GPC3: variants seen among roughly 807,000 people sequenced by gnomAD.
The protein encoded by GPC3 is glypican-3.
GPC3 carries 3 observed loss-of-function variants against 34.4 expected under a neutral mutation model. That is an observed-to-expected ratio of 0.09 (90% CI 0.04 to 0.23). The LOEUF (loss-of-function observed/expected upper bound fraction) is 0.23. Ranked by LOEUF, GPC3 falls within the 10% of genes least tolerant of loss-of-function variation. GPC3 has a pLI of 1.00. For missense variants in GPC3, 351 were observed against 445.6 expected, an observed-to-expected ratio of 0.79 and a Z score of 1.91; for synonymous variants, 177 against 174.0, an observed-to-expected ratio of 1.02 and a Z score of -0.13.
intron 2 of GPC3, among the ~76,000 whole-genome samples, chrX:133,914,982 A>ATATATATATATAC (rs2076217685): frequency 1.8e-5 from 1 of 55,986 alleles, no homozygotes; most frequent in African/African-American, 9.6e-5. Context: ...TATATATATA[A>ATATATATATATAC]AGTTTTATAT....
At chrX:133,856,301 CAT>C (rs746795092) in intron 2 of GPC3, among the ~76,000 whole-genome samples, 7 of 111,120 alleles carry the variant, frequency 6.3e-5, no homozygotes, top group Non-Finnish European at 1.3e-4. Context: ...TCTTTTTTAT[CAT>C]AGTTACCCTA....
At chrX:133,749,893 C>T (rs764504707) in intron 3 of GPC3, among the ~76,000 whole-genome samples, 3 of 111,404 alleles carry the variant, frequency 2.7e-5, no homozygotes, top group African/African-American at 9.8e-5. Context: ...CCGACTCCCC[C>T]TCGCCCTCAT....
chrX:133,767,286 A>G (rs750650766), intron 2 of GPC3, among the ~76,000 whole-genome samples: 2 of 111,934 alleles, frequency 1.8e-5, no homozygotes, highest in African/African-American at 6.5e-5. Flanking sequence ...CCAACTACTT[A>G]CCAACAACAA....
chrX:133,985,223 C>T, intron 1 of GPC3, 52 bp downstream of exon 1: 3 of 1,176,579 alleles, frequency 2.5e-6, no homozygotes, highest in Non-Finnish European at 3.5e-6. Context: ...AGCCACCACG[C>T]GCGCCTTGCT....
In GPC3 at chrX:133,965,092, A is replaced by G. The variant is rs1351189586; in HGVS notation, c.176-11881T>C. 2.7e-5 allele frequency among the ~76,000 whole-genome samples: 3 copies of G among 111,672 alleles called. No homozygotes were observed. The Admixed American group carries it at 2.9e-4, about 11-fold the overall frequency. On this transcript the variant is annotated intron_variant, in intron 1 of 7. Coordinates refer to ENST00000370818, the MANE Select transcript of GPC3 (RefSeq NM_004484.4). ...TTTCTTCAAACAAGTTCCTCCTTAC[A>G]GTAGAGAGTTCTGGTAAACTGGTAT...
At chrX:133,936,925 C>A (rs1177128201) in intron 2 of GPC3, among the ~76,000 whole-genome samples, 2 of 111,608 alleles carry the variant, frequency 1.8e-5, no homozygotes, top group African/African-American at 6.5e-5. Flanking sequence ...AGCCTTTGGT[C>A]TATCTGGCGC....
chrX:133,814,251 T>C (rs1193325624), intron 2 of GPC3, among the ~76,000 whole-genome samples: 2 of 111,166 alleles, frequency 1.8e-5, no homozygotes, highest in Non-Finnish European at 3.8e-5. Flanking sequence ...TATAATATGA[T>C]TTTCAACCCA....
chrX:133,599,663 T>C (rs969247841), intron 6 of GPC3, among the ~76,000 whole-genome samples: 16 of 112,007 alleles, frequency 1.4e-4, no homozygotes, highest in African/African-American at 5.2e-4. Flanking sequence ...TCCTTTATCA[T>C]TATGTCTTAT....
intron 5 of GPC3, among the ~76,000 whole-genome samples, chrX:133,691,917 G>A (rs759162882): frequency 2.7e-5 from 3 of 112,287 alleles, no homozygotes; most frequent in Admixed American, 9.4e-5. Flanking sequence ...TTCTAGGAGG[G>A]CTATAAATTA....
At chrX:133,844,033 A>G (rs1379967837) in intron 2 of GPC3, among the ~76,000 whole-genome samples, 1 of 112,027 alleles carries the variant, frequency 8.9e-6, no homozygotes, top group African/African-American at 3.2e-5. Context: ...GTCTTCTGAA[A>G]GAGAGAATAT....
chrX:133,917,092 G>A (rs1296474770), intron 2 of GPC3, among the ~76,000 whole-genome samples: 2 of 111,834 alleles, frequency 1.8e-5, no homozygotes, highest in East Asian at 5.6e-4. Context: ...GTTTAAATGA[G>A]ACAGTGCAGG....
intron 2 of GPC3, among the ~76,000 whole-genome samples, chrX:133,951,093 T>TGTGTGTGTGTGG (rs775971439): frequency 1.0e-5 from 1 of 100,072 alleles, no homozygotes; most frequent in South Asian, 4.5e-4. Flanking sequence ...TGTGTGTGTG[T>TGTGTGTGTGTGG]GAAGTGAAAG....
intron 2 of GPC3, among the ~76,000 whole-genome samples, chrX:133,829,823 A>T (rs1445744011): frequency 1.8e-5 from 2 of 112,114 alleles, no homozygotes; most frequent in Admixed American, 9.5e-5. Flanking sequence ...ACATTACATA[A>T]TGATAAAAGA....
intron 1 of GPC3, among the ~76,000 whole-genome samples, chrX:133,958,886 GAAAAAAAA>G (rs767192117): frequency 1.6e-5 from 1 of 60,638 alleles, no homozygotes; most frequent in African/African-American, 6.3e-5. Flanking sequence ...ACTTCGTCTC[GAAAAAAAA>G]AAAAAAAAAA....
intron 2 of GPC3, among the ~76,000 whole-genome samples, chrX:133,814,671 G>T (rs1184452752): frequency 9.0e-6 from 1 of 110,746 alleles, no homozygotes; most frequent in Non-Finnish European, 1.9e-5. Flanking sequence ...AGGACCAAGT[G>T]ATTCTCCTGC....
chrX:133,877,558 C>T (rs1176240509), intron 2 of GPC3, among the ~76,000 whole-genome samples: 2 of 111,636 alleles, frequency 1.8e-5, no homozygotes, highest in Non-Finnish European at 1.9e-5. Context: ...GTTTCTGTGG[C>T]CTAGTAGTGC....
At chrX:133,632,600 T>C (rs1016274428) in intron 6 of GPC3, among the ~76,000 whole-genome samples, 14 of 112,382 alleles carry the variant, frequency 1.2e-4, no homozygotes, top group Non-Finnish European at 2.3e-4. Context: ...TCCAACACTA[T>C]GCTAGTTGCT....
At chrX:133,871,458 T>C (rs2075993605) in intron 2 of GPC3, among the ~76,000 whole-genome samples, 1 of 111,912 alleles carries the variant, frequency 8.9e-6, no homozygotes, top group African/African-American at 3.3e-5. Flanking sequence ...GTGAGAGACA[T>C]CATGCTCAGT....
chrX:133,787,641 C>T (rs2072116101), intron 2 of GPC3, among the ~76,000 whole-genome samples: 1 of 111,738 alleles, frequency 8.9e-6, no homozygotes, highest in Non-Finnish European at 1.9e-5. Context: ...TGCTCACTTC[C>T]TTCTATTCTG....
Sources: allele counts gnomAD v4.1 joint callset (sites outside exome capture counted in the v4.1 genomes callset), GRCh38; gene constraint gnomAD v4.1.1; transcripts MANE v1.5; gene names NCBI Gene and HGNC (gene_info 2026-07-23, HGNC 2026-07-21).